The following PROSER1 variants were observed in gnomAD, a reference collection of about 807,000 sequenced individuals.
PROSER1 encodes the protein proline and serine-rich protein 1.
In PROSER1, 36 loss-of-function variants were observed where a neutral mutation model predicts 71.8. The observed-to-expected ratio is 0.50, with a 90% CI of 0.38 to 0.66. The LOEUF is 0.66. PROSER1 is among the 30% of genes least tolerant of loss of function. The probability of loss-of-function intolerance (pLI) is 0.00; values close to 1 mark genes in which losing one functional copy is unlikely to be tolerated. For synonymous variants in PROSER1, 490 were observed against 452.4 expected (o/e 1.08, Z -1.06); for missense variants, 1,107 against 1,135.0 (o/e 0.98, Z 0.35).
In PROSER1 at chr13:39,013,491, T is replaced by C; in HGVS notation, c.1761A>G (p.Pro587=). Residue 587 remains proline, a synonymous_variant, in exon 11 of 13, where the codon CCA becomes CCG. Coordinates refer to ENST00000352251, the MANE Select transcript of PROSER1 (RefSeq NM_025138.5). The stretch of plus-strand genomic sequence containing the variant: ...ATGAAATATGCAGATCTGAGGTACC[T>C]GGGTGGGGGCCACGCAAAAGGGAGG... ...SSASLLRGPH[P]GTSDLHISST... 1 of 1,614,030 alleles carries C rather than the reference T, an allele frequency of 6.2e-7. No individual in the cohort carries two copies. The highest frequency in any genetic ancestry group is 8.5e-7 in the Non-Finnish European group (1 of 1,180,006).
Position 39,012,329 on chromosome 13 carries a change from AAAAC to A in PROSER1, c.2562-100_2562-97del, listed in dbSNP as rs1191284291. On this transcript the variant is annotated intron_variant, in intron 11 of 12. Transcript: ENST00000352251. ...AATACAATCTTAAAATGTTAAAAAC[AAAAC>A]AAAAACCTTAGAATTTATTCCTCTG... The A allele has an allele frequency of 6.0e-6, 8 of 1,326,666 alleles. No homozygotes were observed. The African/African-American group carries it at 7.4e-5, about 12-fold the overall frequency. The allele number at this position is 1,326,666 out of a possible 1,614,324, so 82.2% of individuals were successfully genotyped here. A position where few individuals can be genotyped will look rare whatever the true frequency, so the allele number is the denominator to read the frequency against.
In PROSER1 at chr13:39,037,248, C is replaced by T. The variant is rs371491434; in HGVS notation, c.-6G>A. 1.2e-6 allele frequency: 2 copies of T among 1,607,970 alleles called. No homozygotes were observed. Among genetic ancestry groups the T allele is most frequent in the Middle Eastern group, 3.3e-4 (2 of 6,048 alleles). ...TCAAAGGACTTTTTATCCATCTTGA[C>T]TACTATCCCGACGTGGTTTTAACAG... On this transcript the variant is annotated 5_prime_UTR_variant, in exon 1 of 13. Coordinates refer to ENST00000352251, the MANE Select transcript of PROSER1 (RefSeq NM_025138.5).
intron 2 of PROSER1, among the ~76,000 whole-genome samples, chr13:39,031,920 G>A (rs547261307): frequency 7.4e-4 from 112 of 152,292 alleles, no homozygotes; most frequent in African/African-American, 2.6e-3. Flanking sequence ...ACTGCAGATA[G>A]AGAACATTTC....
In PROSER1 at chr13:39,033,986, T is replaced by C. The variant is rs577720535; in HGVS notation, c.111+145A>G. On this transcript the variant is annotated intron_variant, in intron 2 of 12. Transcript: ENST00000352251. ...CCCTGAATTATAAATTCTGTAGAGT[T>C]TTCTGCCAAAACTGAGAGCTTCTCG... 4.6e-5 allele frequency: 26 copies of C among 559,644 alleles called. No homozygotes were observed. The South Asian group carries it at 7.1e-4, about 15-fold the overall frequency. 34.7% of individuals were successfully genotyped at this position (559,644 alleles called of 1,614,324 possible). A position where few individuals can be genotyped will look rare whatever the true frequency, so the allele number is the denominator to read the frequency against.
chr13:39,028,093 G>A, intron 5 of PROSER1, 134 bp downstream of exon 5: 1 of 550,024 alleles, frequency 1.8e-6, no homozygotes, highest in Non-Finnish European at 3.3e-6. Context: ...AGACCGCAGG[G>A]ATGTTCATTT....
chr13:39,026,432 G>T, intron 5 of PROSER1, 45 bp from the exon 6 acceptor site: 1 of 1,278,778 alleles, frequency 7.8e-7, no homozygotes, highest in Non-Finnish European at 1.1e-6. Flanking sequence ...ATTCTTAAAA[G>T]ATAAGTATTC....
chr13:39,013,871 G>A lies in PROSER1; in HGVS notation c.1381C>T (p.Pro461Ser), dbSNP rs1869845498. ...AAAAGAGGACTGTTCACACCAAGTGGACCGGCAACGCTGGGAGTAGAGCCA... is the reference window on the plus strand; with the variant it reads ...AAAAGAGGACTGTTCACACCAAGTGAACCGGCAACGCTGGGAGTAGAGCCA... ...AGGSTPSVAG[P>S]LGVNSPLLSA... is the part of the protein sequence containing the mutation. Residue 461 changes from proline to serine, a missense_variant, in exon 11 of 13, where the codon CCA becomes TCA. Pro to Ser is a moderately conservative substitution (Grantham distance 74). Coordinates refer to ENST00000352251, the MANE Select transcript of PROSER1 (RefSeq NM_025138.5). 1 of 1,614,074 alleles carries A rather than the reference G, an allele frequency of 6.2e-7. No individual in the cohort carries two copies. Among genetic ancestry groups the A allele is most frequent in the Non-Finnish European group, 8.5e-7 (1 of 1,180,036 alleles).
At chr13:39,030,130 A>G (rs1017514697) in intron 3 of PROSER1, among the ~76,000 whole-genome samples, 1 of 152,198 alleles carries the variant, frequency 6.6e-6, no homozygotes, top group Non-Finnish European at 1.5e-5. Context: ...ATGTACTACC[A>G]GAAGAACTAA....
At chr13:39,024,256 T>C (rs1870436400) in intron 7 of PROSER1, among the ~76,000 whole-genome samples, 1 of 152,114 alleles carries the variant, frequency 6.6e-6, no homozygotes, top group African/African-American at 2.4e-5. Flanking sequence ...TGAAAGCAAT[T>C]TCACTGATTC....
intron 5 of PROSER1, 134 bp from the exon 6 acceptor site, chr13:39,026,521 A>C: frequency 1.9e-6 from 1 of 538,032 alleles, no homozygotes; most frequent in Non-Finnish European, 3.3e-6. Context: ...ATAATTCAGC[A>C]CTTACAGTGG....
Position 39,013,665 on chromosome 13 carries a change from C to T in PROSER1, c.1587G>A (p.Arg529=), listed in dbSNP as rs1294359091. 1.2e-6 allele frequency: 2 copies of T among 1,614,100 alleles called. No individual in the cohort carries two copies. The highest frequency in any genetic ancestry group is 2.2e-5 in the East Asian group (1 of 44,878). Residue 529 remains arginine, a synonymous_variant, in exon 11 of 13, where the codon AGG becomes AGA. Coordinates refer to ENST00000352251, the MANE Select transcript of PROSER1 (RefSeq NM_025138.5). ...YAPSAIPTPQ[R]TSTPGLALFP... is the part of the protein sequence containing the mutation. ...ACAGGGCCAACCCTGGAGTGGAAGT[C>T]CTCTGTGGGGTAGGGATGGCTGATG...
Position 39,013,457 on chromosome 13 carries a change from C to T in PROSER1, c.1795G>A (p.Ala599Thr). 1.9e-6 allele frequency: 3 copies of T among 1,613,988 alleles called. No individual in the cohort carries two copies. The highest frequency in any genetic ancestry group is 2.5e-6 in the Non-Finnish European group (3 of 1,180,016). The change falls in exon 11 of 13, where the codon GCT (alanine) becomes ACT (threonine). Residue 599 changes from alanine (A) to threonine (T), a missense_variant. Coordinates refer to ENST00000352251, the MANE Select transcript of PROSER1 (RefSeq NM_025138.5). ...ATCATAACAGGAAGAGTTGTTGCAG[C>T]AGGGGTAGATGAAATATGCAGATCT... ...TSDLHISSTP[A>T]ATTLPVMIKT...
Position 39,037,195 on chromosome 13 carries a change from T to G in PROSER1, c.45+3A>C. ...AAATAATTCATGGAATCGGTCTAAT[T>G]ACCTTTCTAATTTCATCCAGCACCA... is the stretch of plus-strand genomic sequence containing the variant. On this transcript the variant is annotated splice_donor_region_variant and intron_variant, in intron 1 of 12. Coordinates refer to ENST00000352251, the MANE Select transcript of PROSER1 (RefSeq NM_025138.5). 6.3e-7 allele frequency: 1 copy of G among 1,592,624 alleles called. No homozygotes were observed. The highest frequency in any genetic ancestry group is 2.2e-5 in the East Asian group (1 of 44,780).
At chr13:39,026,848 C>G (rs998563591) in intron 5 of PROSER1, among the ~76,000 whole-genome samples, 1 of 152,208 alleles carries the variant, frequency 6.6e-6, no homozygotes, top group South Asian at 2.1e-4. Flanking sequence ...GTCCAAAGAC[C>G]TACATACCGT....
intron 9 of PROSER1, among the ~76,000 whole-genome samples, chr13:39,018,391 A>G (rs1466004340): frequency 6.6e-6 from 1 of 151,986 alleles, no homozygotes; most frequent in African/African-American, 2.4e-5. Context: ...TGTTTGAGGA[A>G]TTCACGAGCT....
At chr13:39,027,585 A>G (rs1214368452) in intron 5 of PROSER1, among the ~76,000 whole-genome samples, 2 of 152,154 alleles carry the variant, frequency 1.3e-5, no homozygotes, top group Admixed American at 6.5e-5. Context: ...TCAGATCTTA[A>G]CTCTTCTACA....
rs1032962168 is a variant in PROSER1 at position 39,017,656 on chromosome 13, A to T, written c.731-112T>A. 119 of 631,968 alleles carry T rather than the reference A, an allele frequency of 1.9e-4. 1 individual carries two copies. The highest frequency in any genetic ancestry group is 6.6e-5 in the Admixed American group (2 of 30,164). The allele number at this position is 631,968 out of a possible 1,614,324, so 39.1% of individuals were successfully genotyped here. ...CACAGGATATAAATATTTATGGACT[A>T]TGTTAGGAAAAAAATGTACACATAT... On this transcript the variant is annotated intron_variant, in intron 9 of 12. Coordinates refer to ENST00000352251, the MANE Select transcript of PROSER1 (RefSeq NM_025138.5).
chr13:39,026,038 G>C (rs866938101), intron 6 of PROSER1, among the ~76,000 whole-genome samples: 4 of 152,182 alleles, frequency 2.6e-5, no homozygotes, highest in Middle Eastern at 3.4e-3. Flanking sequence ...ATGTAAATCA[G>C]TGCTTCTAAA....
At position 39,013,047 on chromosome 13, in the gene PROSER1, G is replaced by A. The variant is rs762914503; in HGVS notation, c.2205C>T (p.Ser735=). ...LIATSSTAAT[S]TSLPHPSSTA... ...TTGAGCTAGGATGAGGGAGAGATGT[G>A]GAGGTGGCAGCGGTAGATGAGGTGG... The change falls in exon 11 of 13, where the codon TCC becomes TCT. Residue 735 remains serine, a synonymous_variant. Coordinates refer to ENST00000352251, the MANE Select transcript of PROSER1 (RefSeq NM_025138.5). The A allele has an allele frequency of 6.2e-7, 1 of 1,614,098 alleles. No individual in the cohort carries two copies. Among genetic ancestry groups the A allele is most frequent in the Non-Finnish European group, 8.5e-7 (1 of 1,179,998 alleles).
Sources: gnomAD v4.1 joint callset for allele counts (sites outside exome capture counted in the v4.1 genomes callset) on GRCh38, gnomAD v4.1.1 for gene constraint, MANE v1.5 for transcripts, NCBI Gene and HGNC (gene_info 2026-07-23, HGNC 2026-07-21) for gene names.